PLA2G4F: variants seen among roughly 807,000 people sequenced by gnomAD.
PLA2G4F encodes cytosolic phospholipase A2 zeta.
A neutral mutation model predicts 103.1 loss-of-function variants in PLA2G4F; 105 were observed. That is an observed-to-expected ratio of 1.02 (90% CI 0.87 to 1.20). The LOEUF is 1.20. Ranked by LOEUF, PLA2G4F falls within the 50% of genes most tolerant of loss-of-function variation. PLA2G4F has a pLI of 0.00. For missense variants in PLA2G4F, 1,155 were observed against 1,075.9 expected (o/e 1.07, Z -1.03); for synonymous variants, 468 against 441.1 (o/e 1.06, Z -0.76).
intron 4 of PLA2G4F, 106 bp downstream of exon 4, chr15:42,153,986 C>T: frequency 6.6e-7 from 1 of 1,524,748 alleles, no homozygotes; most frequent in Non-Finnish European, 8.9e-7. Context: ...GGAGGAAGGT[C>T]TGCCTTGGAG....
intron 14 of PLA2G4F, 28 bp downstream of exon 14, chr15:42,146,099 T>G (rs375514932): frequency 1.2e-5 from 19 of 1,609,110 alleles, no homozygotes; most frequent in Non-Finnish European, 1.5e-5. Flanking sequence ...CTCCTCTACC[T>G]CCTTCCTTCG....
At chr15:42,155,127 G>C (rs550744880) in intron 2 of PLA2G4F, among the ~76,000 whole-genome samples, 1 of 151,046 alleles carries the variant, frequency 6.6e-6, no homozygotes, top group Non-Finnish European at 1.5e-5. Flanking sequence ...ACACACACTC[G>C]CACTCACATA....
rs758456464 is a variant in PLA2G4F, at chr15:42,150,825, G to A, written c.602-48C>T. Reference sequence around the variant, plus strand: ...GGTGCGCAGGTGAGGGGGTGGGTCTGTGTCTCTGCGGCTTATGCTGGCAGC... The same window carrying A: ...GGTGCGCAGGTGAGGGGGTGGGTCTATGTCTCTGCGGCTTATGCTGGCAGC... On this transcript the variant is annotated intron_variant, in intron 7 of 19. Transcript: ENST00000397272. The A allele has an allele frequency of 3.2e-6, 5 of 1,574,794 alleles. No homozygotes were observed. The East Asian group carries it at 1.1e-4, about 36-fold the overall frequency.
chr15:42,154,172 G>C lies in PLA2G4F; in HGVS notation c.370C>G (p.Gln124Glu). 1 of 1,614,216 alleles carries C rather than the reference G, an allele frequency of 6.2e-7. No individual in the cohort carries two copies. Among genetic ancestry groups the C allele is most frequent in the Non-Finnish European group, 8.5e-7 (1 of 1,180,044 alleles). Residue 124 changes from glutamine to glutamate, a missense_variant, in exon 4 of 20, where the codon CAG becomes GAG. Around this residue, in one of 3 missense-constraint regions of PLA2G4F, gnomAD observed 370 missense variants for 364.9 expected, o/e 1.01. Transcript: ENST00000397272. ...LYDKDILGSDQLSLLLFDLRS... is the reference protein window; with the variant it reads ...LYDKDILGSDELSLLLFDLRS... ...AGGTCAAACAGGAGCAGAGAGAGCT[G>C]GTCGCTGCCCAGGATGTCCTTGTCA...
At chr15:42,147,524 G>A in intron 12 of PLA2G4F, 102 bp downstream of exon 12, 3 of 1,457,104 alleles carry the variant, frequency 2.1e-6, no homozygotes, top group African/African-American at 1.4e-5. Context: ...CACCCTGGGA[G>A]GCAGGATCCC....
chr15:42,146,570 A>C (rs1381903083), intron 13 of PLA2G4F: 4 of 278,450 alleles, frequency 1.4e-5, no homozygotes, highest in Non-Finnish European at 2.8e-5. Flanking sequence ...TAAAAAATAA[A>C]TTACTAGAAA....
intron 11 of PLA2G4F, chr15:42,148,959 C>T (rs986645179): frequency 1.0e-5 from 10 of 985,280 alleles, no homozygotes; most frequent in East Asian, 1.1e-4. Flanking sequence ...GCCTTGTCAG[C>T]GCTGGGCCAC....
Position 42,141,651 on chromosome 15 carries a change from T to C in PLA2G4F, c.*333A>G, listed in dbSNP as rs753943075. 2.0e-6 allele frequency: 1 copy of C among 496,728 alleles called. No individual in the cohort carries two copies. The highest frequency in any genetic ancestry group is 1.5e-5 in the South Asian group (1 of 64,908). 30.8% of individuals were successfully genotyped at this position (496,728 alleles called of 1,614,324 possible). A position where few individuals can be genotyped will look rare whatever the true frequency, so the allele number is the denominator to read the frequency against. On this transcript the variant is annotated 3_prime_UTR_variant, in exon 20 of 20. Transcript: ENST00000397272. ...TGTGGGTCTGAGGACTTGGGCCCTCTGAGGTCCTTCTGTGTCTGGGGTGGG... is the reference window on the plus strand; with the variant it reads ...TGTGGGTCTGAGGACTTGGGCCCTCCGAGGTCCTTCTGTGTCTGGGGTGGG...
At chr15:42,149,648 C>T in intron 11 of PLA2G4F, 65 bp downstream of exon 11, 1 of 1,598,330 alleles carries the variant, frequency 6.3e-7, no homozygotes, top group Non-Finnish European at 8.5e-7. Flanking sequence ...TGCTGGTCCT[C>T]TCAAGGGAAG....
intron 11 of PLA2G4F, chr15:42,149,108 C>G: frequency 3.0e-6 from 3 of 985,370 alleles, no homozygotes; most frequent in Non-Finnish European, 3.6e-6. Flanking sequence ...CCCAGAGGAT[C>G]CCAGGGACCC....
chr15:42,153,698 C>A, intron 4 of PLA2G4F, 38 bp from the exon 5 acceptor site: 1 of 1,609,858 alleles, frequency 6.2e-7, no homozygotes, highest in Non-Finnish European at 8.5e-7. Flanking sequence ...TTTTTCAAGG[C>A]TCCAAAAGCC....
rs564527378 is a variant in PLA2G4F at position 42,146,317 on chromosome 15, C to T, written c.1420-76G>A. 963 of 1,368,398 alleles carry T rather than the reference C, an allele frequency of 7.0e-4. 2 individuals are homozygous for T. The highest frequency in any genetic ancestry group is 8.9e-4 in the Non-Finnish European group (859 of 968,886). 84.8% of individuals were successfully genotyped at this position (1,368,398 alleles called of 1,614,324 possible). ...CATCCCCGTGGCCTGGGGCCGGCAC[C>T]CTGCAAGGCGTGGTGTGCCCACAAG... On this transcript the variant is annotated intron_variant, in intron 13 of 19. Coordinates refer to ENST00000397272, the MANE Select transcript of PLA2G4F (RefSeq NM_213600.4).
At chr15:42,154,929 C>T (rs758292876) in intron 2 of PLA2G4F, among the ~76,000 whole-genome samples, 92 of 152,128 alleles carry the variant, frequency 6.0e-4, no homozygotes, top group Non-Finnish European at 1.0e-3. Context: ...GTCCCTCCAC[C>T]TACTCTTGCA....
chr15:42,153,203 G>A lies in PLA2G4F; in HGVS notation c.534+97C>T, dbSNP rs917074141. The A allele has an allele frequency of 2.9e-6, 4 of 1,367,722 alleles. No individual in the cohort carries two copies. The African/African-American group carries it at 5.9e-5, about 20-fold the overall frequency. The allele number at this position is 1,367,722 out of a possible 1,614,324, so 84.7% of individuals were successfully genotyped here. ...ACATCTCCCCTCCGAGGAGGGCTTG[G>A]GTGTCCTTCAGAGGCAACTGGGCCT... On this transcript the variant is annotated intron_variant, in intron 6 of 19. Coordinates refer to ENST00000397272, the MANE Select transcript of PLA2G4F (RefSeq NM_213600.4).
chr15:42,141,866 G>A lies in PLA2G4F; in HGVS notation c.*118C>T. ...CCGGGGCCTGGGGCACCTCGAGGCA[G>A]GTCCTGGAGAGAAGGGAAGCAGATC... On this transcript the variant is annotated 3_prime_UTR_variant, in exon 20 of 20. Transcript: ENST00000397272. 1.8e-6 allele frequency: 2 copies of A among 1,091,902 alleles called. No homozygotes were observed. The highest frequency in any genetic ancestry group is 2.6e-6 in the Non-Finnish European group (2 of 760,172). 67.6% of individuals were successfully genotyped at this position (1,091,902 alleles called of 1,614,324 possible).
chr15:42,152,735 A>C lies in PLA2G4F; in HGVS notation c.554T>G (p.Ile185Ser). The change falls in exon 7 of 20, where the codon ATC (isoleucine) becomes AGC (serine). Residue 185 changes from isoleucine to serine, a missense_variant. Physicochemically the swap from Ile to Ser is moderately radical, Grantham distance 142 (BLOSUM62 -2). Around this residue, in one of 3 missense-constraint regions of PLA2G4F, gnomAD observed 370 missense variants for 364.9 expected, o/e 1.01. Coordinates refer to ENST00000397272, the MANE Select transcript of PLA2G4F (RefSeq NM_213600.4). ...CCCATCTCCCCGGAGCGTGCCCTGG[A>C]TTCTCAGACAGGGGTGAGCCTGAGG... ...GVLVAHPCLRIQGTLRGDGTA... is the reference protein window; with the variant it reads ...GVLVAHPCLRSQGTLRGDGTA... 1 of 1,556,976 alleles carries C rather than the reference A, an allele frequency of 6.4e-7. No homozygotes were observed. Among genetic ancestry groups the C allele is most frequent in the East Asian group, 2.4e-5 (1 of 41,502 alleles).
At chr15:42,145,052 G>T (rs941803822) in intron 16 of PLA2G4F, among the ~76,000 whole-genome samples, 1 of 152,194 alleles carries the variant, frequency 6.6e-6, no homozygotes, top group Non-Finnish European at 1.5e-5. Flanking sequence ...ACTTGTGGGG[G>T]AAAGTCACAT....
chr15:42,143,399 T>G (rs2048845658), intron 18 of PLA2G4F, among the ~76,000 whole-genome samples: 1 of 151,942 alleles, frequency 6.6e-6, no homozygotes, highest in Non-Finnish European at 1.5e-5. Flanking sequence ...TCACAGAAGG[T>G]CCACGTCAGA....
At position 42,146,960 on chromosome 15, in the gene PLA2G4F, A is replaced by ACC; in HGVS notation, c.1419+163_1419+164insGG. The ACC allele has an allele frequency of 1.9e-5, 13 of 676,180 alleles. No individual in the cohort carries two copies. In the South Asian group the frequency reaches 2.5e-4, roughly 13 times the overall value. The allele number at this position is 676,180 out of a possible 1,614,324, so 41.9% of individuals were successfully genotyped here. On this transcript the variant is annotated intron_variant, in intron 13 of 19. Transcript: ENST00000397272. ...AGGGGTTAGGAGCTAGGGAGGCAAA[A>ACC]TGGTACCAGCCCACCCTGGAGTCAC...
Sources: allele counts gnomAD v4.1 joint callset (sites outside exome capture counted in the v4.1 genomes callset), GRCh38; gene constraint gnomAD v4.1.1; regional missense constraint gnomAD v4.1.1; transcripts MANE v1.5; gene names NCBI Gene and HGNC (gene_info 2026-07-23, HGNC 2026-07-21).